Variants in SCARA5 observed in about 807,000 individuals in gnomAD.
SCARA5 encodes scavenger receptor class A member 5.
Under a neutral mutation model 46.3 loss-of-function variants are expected in SCARA5, and 45 were observed. The ratio of observed to expected loss-of-function variants is 0.97; its 90% CI spans 0.76 to 1.24. The LOEUF (loss-of-function observed/expected upper bound fraction) is 1.24, where lower values mean the gene tolerates loss of function less well. SCARA5 is among the 50% of genes most tolerant of loss of function. The pLI is 0.00. For missense variants in SCARA5, 680 were observed against 689.0 expected (o/e 0.99, Z 0.15); for synonymous variants, 333 against 306.5 (o/e 1.09, Z -0.90).
intron 2 of SCARA5, among the ~76,000 whole-genome samples, chr8:27,972,334 C>T (rs932381404): frequency 3.1e-5 from 1 of 32,600 alleles, no homozygotes; most frequent in Non-Finnish European, 6.8e-5. Flanking sequence ...CAAAACAAAA[C>T]AAAACAAAAA....
At position 27,921,640 on chromosome 8, in the gene SCARA5, C is replaced by G; in HGVS notation, c.847G>C (p.Val283Leu). The G allele has an allele frequency of 1.2e-6, 2 of 1,604,826 alleles. No individual in the cohort carries two copies. The highest frequency in any genetic ancestry group is 1.1e-5 in the South Asian group (1 of 89,640). The change falls in exon 4 of 9, where the codon GTC becomes CTC. Residue 283 changes from valine to leucine, a missense_variant. Around this residue, in one of 3 missense-constraint regions of SCARA5, gnomAD observed 438 missense variants for 384.5 expected, o/e 1.14. Transcript: ENST00000354914. ...LKQELAMLNA[V>L]TEDLRLKDWE... ...TCCTTGAGGCGCAGGTCCTCGGTGA[C>G]CGCGTTGAGCATGGCCAGCTCCTGC...
At chr8:27,925,638 G>A (rs916755535) in intron 3 of SCARA5, among the ~76,000 whole-genome samples, 17 of 151,990 alleles carry the variant, frequency 1.1e-4, no homozygotes, top group African/African-American at 3.9e-4. Flanking sequence ...AGACAAATGG[G>A]ATCTGCTCAG....
chr8:27,927,174 A>T (rs1270926430), intron 3 of SCARA5, among the ~76,000 whole-genome samples: 1 of 152,074 alleles, frequency 6.6e-6, no homozygotes, highest in African/African-American at 2.4e-5. Context: ...GGGGGTCCCT[A>T]AGCCCAGCTA....
intron 2 of SCARA5, among the ~76,000 whole-genome samples, chr8:27,979,927 C>G (rs1317076443): frequency 6.6e-6 from 1 of 152,148 alleles, no homozygotes; most frequent in Non-Finnish European, 1.5e-5. Context: ...GACTTCAGCA[C>G]TTTAGACTCA....
At chr8:27,892,979 A>G (rs1320378) in intron 7 of SCARA5, among the ~76,000 whole-genome samples, 133,662 of 152,180 alleles carry the variant, frequency 0.88, 59,642 homozygotes, top group East Asian at 1. Context: ...TTGGCACCTA[A>G]CGTGAGGTCT....
At chr8:27,928,237 C>T (rs895433377) in intron 3 of SCARA5, among the ~76,000 whole-genome samples, 3 of 152,192 alleles carry the variant, frequency 2.0e-5, no homozygotes, top group African/African-American at 7.2e-5. Context: ...GTGTGACTCT[C>T]TTAATTCATG....
At chr8:27,909,826 C>G in intron 4 of SCARA5, 83 bp from the exon 5 acceptor site, 1 of 863,090 alleles carries the variant, frequency 1.2e-6, no homozygotes, top group Non-Finnish European at 1.8e-6. Flanking sequence ...ACAAAACGCC[C>G]TCTCTGAGGA....
intron 7 of SCARA5, 96 bp downstream of exon 7, chr8:27,904,682 C>T (rs1304743301): frequency 8.9e-7 from 1 of 1,117,998 alleles, no homozygotes; most frequent in Non-Finnish European, 1.4e-6. Context: ...CCAGCCATGG[C>T]TCCAGCCTCT....
intron 3 of SCARA5, among the ~76,000 whole-genome samples, chr8:27,964,810 C>T (rs1400459927): frequency 1.3e-5 from 2 of 152,172 alleles, no homozygotes; most frequent in Non-Finnish European, 2.9e-5. Context: ...GGTCCCTCTC[C>T]TCCAGACCCC....
At chr8:27,950,872 T>C (rs1808113899) in intron 3 of SCARA5, among the ~76,000 whole-genome samples, 1 of 123,978 alleles carries the variant, frequency 8.1e-6, no homozygotes, top group Admixed American at 7.8e-5. Context: ...AGCACTCAGC[T>C]TTATGGGAAA....
chr8:27,957,946 A>C (rs922039225), intron 3 of SCARA5, among the ~76,000 whole-genome samples: 1 of 152,220 alleles, frequency 6.6e-6, no homozygotes, highest in African/African-American at 2.4e-5. Context: ...CAGACTACTG[A>C]GCCCTGCTAT....
chr8:27,945,628 T>C (rs923588705), intron 3 of SCARA5, among the ~76,000 whole-genome samples: 16 of 152,222 alleles, frequency 1.1e-4, no homozygotes, highest in African/African-American at 3.9e-4. Context: ...GTAAATAAGA[T>C]GTGAGTGTCA....
chr8:27,882,051 C>T (rs1806820962), intron 7 of SCARA5, among the ~76,000 whole-genome samples: 1 of 152,232 alleles, frequency 6.6e-6, no homozygotes, highest in South Asian at 2.1e-4. Context: ...TCTCCCTCCT[C>T]CCTACCCCTG....
rs149119524 is a variant in SCARA5 at position 27,933,576 on chromosome 8, T to G, written c.242-11331A>C. 5.2e-3 allele frequency among the ~76,000 whole-genome samples: 784 copies of G among 150,344 alleles called. 8 individuals are homozygous for G. Among genetic ancestry groups the G allele is most frequent in the African/African-American group, 0.019 (759 of 40,898 alleles). The stretch of plus-strand genomic sequence containing the variant: ...AGATTCATGAGATTCATGTGGTGAG[T>G]GCACTGTGGGGCCCATTTTAAAATC... On this transcript the variant is annotated intron_variant, in intron 3 of 8. Transcript: ENST00000354914.
chr8:27,900,290 G>A (rs951185929), intron 7 of SCARA5, among the ~76,000 whole-genome samples: 3 of 152,212 alleles, frequency 2.0e-5, no homozygotes, highest in African/African-American at 7.2e-5. Flanking sequence ...ACAGGGATGG[G>A]AGAAGGGAGT....
At chr8:27,956,363 TAG>T (rs1808207905) in intron 3 of SCARA5, among the ~76,000 whole-genome samples, 1 of 152,168 alleles carries the variant, frequency 6.6e-6, no homozygotes, top group African/African-American at 2.4e-5. Flanking sequence ...GTAAAGCAGG[TAG>T]AGATGGGCAG....
At chr8:27,991,896 C>T (rs1368096840) in intron 1 of SCARA5, among the ~76,000 whole-genome samples, 2 of 152,064 alleles carry the variant, frequency 1.3e-5, no homozygotes, top group African/African-American at 4.8e-5. Flanking sequence ...CACATGCACA[C>T]ACACACATGC....
intron 3 of SCARA5, among the ~76,000 whole-genome samples, chr8:27,948,940 G>A (rs1808079957): frequency 6.6e-6 from 1 of 152,274 alleles, no homozygotes; most frequent in South Asian, 2.1e-4. Flanking sequence ...TGCAAAAGCA[G>A]ATATTATAAA....
intron 1 of SCARA5, among the ~76,000 whole-genome samples, chr8:27,989,675 G>T (rs1340399304): frequency 6.6e-6 from 1 of 152,210 alleles, no homozygotes; most frequent in Non-Finnish European, 1.5e-5. Flanking sequence ...GATGGAACAG[G>T]GGGTGGTCCT....
Sources: gnomAD v4.1 joint callset for allele counts (sites outside exome capture counted in the v4.1 genomes callset) on GRCh38, gnomAD v4.1.1 for gene constraint, gnomAD v4.1.1 regional missense constraint, MANE v1.5 for transcripts, NCBI Gene and HGNC (gene_info 2026-07-23, HGNC 2026-07-21) for gene names.